Variants in MARCHF10 observed in about 807,000 individuals in gnomAD.
MARCHF10 encodes the protein membrane associated ring-CH-type finger 10.
Under a neutral mutation model 76.2 loss-of-function variants are expected in MARCHF10, and 64 were observed. The ratio of observed to expected loss-of-function variants is 0.84; its 90% CI spans 0.69 to 1.03. The LOEUF (loss-of-function observed/expected upper bound fraction) is 1.03. Ranked by LOEUF, MARCHF10 falls within the 50% of genes least tolerant of loss-of-function variation. MARCHF10 has a pLI of 0.00. For synonymous variants in MARCHF10, 340 were observed against 357.5 expected, an observed-to-expected ratio of 0.95 and a Z score of 0.55; for missense variants, 875 against 958.0, an observed-to-expected ratio of 0.91 and a Z score of 1.14.
chr17:62,736,952 G>T lies in MARCHF10; in HGVS notation c.916C>A (p.Arg306Ser). The change falls in exon 6 of 11, where the codon CGC becomes AGC. Residue 306 changes from arginine to serine, a missense_variant. Arg to Ser is a moderately radical substitution (Grantham distance 110, BLOSUM62 -1). Transcript: ENST00000311269. ...QSEECLWVGV[R>S]SPCSPSHHKR... Reference sequence around the variant, plus strand: ...TGATGGGAAGGAGAACAGGGTGAGCGCACACCAACCCACAGACATTCTTCA... The same window carrying T: ...TGATGGGAAGGAGAACAGGGTGAGCTCACACCAACCCACAGACATTCTTCA... 1 of 1,614,058 alleles carries T rather than the reference G, an allele frequency of 6.2e-7. No homozygotes were observed. The highest frequency in any genetic ancestry group is 8.5e-7 in the Non-Finnish European group (1 of 1,180,018).
chr17:62,773,009 A>AT (rs2092476159), intron 3 of MARCHF10, among the ~76,000 whole-genome samples: 1 of 152,160 alleles, frequency 6.6e-6, no homozygotes, highest in Admixed American at 6.5e-5. Context: ...CGTGTATCTC[A>AT]TTTTATGTTT....
intron 10 of MARCHF10, among the ~76,000 whole-genome samples, chr17:62,703,776 C>T (rs1439387355): frequency 6.6e-6 from 1 of 152,222 alleles, no homozygotes; most frequent in East Asian, 1.9e-4. Flanking sequence ...AGGTTCCCTG[C>T]CTCCCGTGGC....
chr17:62,708,236 G>A (rs2089706519), intron 9 of MARCHF10, among the ~76,000 whole-genome samples: 1 of 148,466 alleles, frequency 6.7e-6, no homozygotes, highest in Admixed American at 6.8e-5. Context: ...CCTGGAAAAA[G>A]TAGGTTCTTT....
At chr17:62,793,319 C>T (rs202184160) in intron 2 of MARCHF10, among the ~76,000 whole-genome samples, 1 of 145,410 alleles carries the variant, frequency 6.9e-6, no homozygotes, top group Non-Finnish European at 1.5e-5. Context: ...CCACCACCAC[C>T]TCCACCACCA....
At position 62,756,760 on chromosome 17, in the gene MARCHF10, T is replaced by C. The variant is rs991467383; in HGVS notation, c.382+3075A>G. Among the ~76,000 whole-genome samples, 9 of 152,292 alleles carry C rather than the reference T, an allele frequency of 5.9e-5. No homozygotes were observed. The East Asian group carries it at 1.7e-3, about 29-fold the overall frequency. Reference sequence around the variant, plus strand: ...CAGAAATGCTTTACTTGGCCAAAGGTAGACAGCAAATAAATGGGGCCCAGA... The same window carrying C: ...CAGAAATGCTTTACTTGGCCAAAGGCAGACAGCAAATAAATGGGGCCCAGA... On this transcript the variant is annotated intron_variant, in intron 4 of 10. Transcript: ENST00000311269.
In MARCHF10 at chr17:62,724,186, AT is replaced by A. The variant is rs11462196; in HGVS notation, c.2104+751del. On this transcript the variant is annotated intron_variant, in intron 7 of 10. Transcript: ENST00000311269. ...TGCTCTTTGCACTGATGTTCCATGC[AT>A]TTTTTTTTTTTTTTTGCTTAAAGTT... Among the ~76,000 whole-genome samples, 469 of 138,186 alleles carry A rather than the reference AT, an allele frequency of 3.4e-3. 2 individuals are homozygous for A. Among genetic ancestry groups the A allele is most frequent in the East Asian group, 4.9e-3 (23 of 4,688 alleles). 90.7% of individuals were successfully genotyped at this position (138,186 alleles called of 152,430 possible). A position where few individuals can be genotyped will look rare whatever the true frequency, so the allele number is the denominator to read the frequency against.
At chr17:62,731,645 G>A (rs2091028441) in intron 6 of MARCHF10, among the ~76,000 whole-genome samples, 1 of 152,200 alleles carries the variant, frequency 6.6e-6, no homozygotes, top group Non-Finnish European at 1.5e-5. Context: ...ACCCTCATAA[G>A]GGGTGGTGAG....
chr17:62,795,736 G>A (rs186767733), intron 2 of MARCHF10, among the ~76,000 whole-genome samples: 6 of 152,206 alleles, frequency 3.9e-5, no homozygotes, highest in Non-Finnish European at 5.9e-5. Context: ...GTGGAGTACA[G>A]GAAGGGACAC....
rs139232686 is a variant in MARCHF10 at position 62,801,686 on chromosome 17, T to C, written c.50A>G (p.Tyr17Cys). Reference protein sequence around the residue: ...DRQKFFSDVQYLRDMQHKVDS... With the variant: ...DRQKFFSDVQCLRDMQHKVDS... ...CACCTTATGCTGCATGTCCCGCAGA[T>C]ACTGAACATCGCTGAAGAACTTCTG... is the stretch of plus-strand genomic sequence containing the variant. Residue 17 changes from tyrosine to cysteine, a missense_variant, in exon 2 of 11, where the codon TAT becomes TGT. By Grantham distance (194) the Tyr-to-Cys change is radical. Transcript: ENST00000311269. The C allele has an allele frequency of 6.2e-7, 1 of 1,614,194 alleles. No individual in the cohort carries two copies. Among genetic ancestry groups the C allele is most frequent in the African/African-American group, 1.3e-5 (1 of 75,046 alleles).
intron 4 of MARCHF10, among the ~76,000 whole-genome samples, chr17:62,751,844 A>C (rs1012441333): frequency 6.6e-6 from 1 of 152,126 alleles, no homozygotes; most frequent in Non-Finnish European, 1.5e-5. Context: ...AACAGGGAGA[A>C]ACCCCATCTC....
chr17:62,719,542 T>C (rs1187226010), intron 8 of MARCHF10, among the ~76,000 whole-genome samples: 1 of 152,292 alleles, frequency 6.6e-6, no homozygotes, highest in East Asian at 1.9e-4. Flanking sequence ...TTTTTCCCCT[T>C]TGGCCTCTTA....
In MARCHF10 at chr17:62,736,268, T is replaced by C. The variant is rs1363735440; in HGVS notation, c.1600A>G (p.Asn534Asp). The change falls in exon 6 of 11, where the codon AAC becomes GAC. Residue 534 changes from asparagine (N) to aspartate (D), a missense_variant. Transcript: ENST00000311269. ...SAENHNYFPVNSAHEFAVREA... is the reference protein window; with the variant it reads ...SAENHNYFPVDSAHEFAVREA... ...CTGACAGCAAATTCGTGTGCACTGT[T>C]TACTGGGAAATAATTATGGTTTTCG... 1 of 1,614,154 alleles carries C rather than the reference T, an allele frequency of 6.2e-7. No homozygotes were observed. Among genetic ancestry groups the C allele is most frequent in the Non-Finnish European group, 8.5e-7 (1 of 1,180,018 alleles).
chr17:62,743,264 G>A lies in MARCHF10; in HGVS notation c.535+1112C>T, dbSNP rs943397959. 2.0e-5 allele frequency among the ~76,000 whole-genome samples: 3 copies of A among 152,262 alleles called. No individual in the cohort carries two copies. In the East Asian group the frequency reaches 5.8e-4, roughly 29 times the overall value. On this transcript the variant is annotated intron_variant, in intron 5 of 10. Transcript: ENST00000311269. ...GGGACCCTGTGGACATCTCCTTGCTGCAGACTCATATATGCAGATTCCAAG... is the reference window on the plus strand; with the variant it reads ...GGGACCCTGTGGACATCTCCTTGCTACAGACTCATATATGCAGATTCCAAG...
chr17:62,783,338 GAC>G (rs1468165592), intron 3 of MARCHF10, among the ~76,000 whole-genome samples: 1 of 150,224 alleles, frequency 6.7e-6, no homozygotes, highest in African/African-American at 2.5e-5. Context: ...TGAGAACAAA[GAC>G]ACACCGTACC....
intron 9 of MARCHF10, chr17:62,706,380 C>T (rs528997444): frequency 6.6e-6 from 1 of 152,310 alleles, no homozygotes; most frequent in East Asian, 1.9e-4. Context: ...CTCTGGGCTC[C>T]TGAGATAACC....
intron 4 of MARCHF10, among the ~76,000 whole-genome samples, chr17:62,746,295 T>C (rs748482509): frequency 8.5e-5 from 13 of 152,102 alleles, no homozygotes; most frequent in Non-Finnish European, 1.3e-4. Context: ...TCGGAGCAAC[T>C]TGGGGCAAGT....
intron 3 of MARCHF10, among the ~76,000 whole-genome samples, chr17:62,771,888 A>G (rs1039285179): frequency 9.2e-5 from 14 of 152,276 alleles, no homozygotes; most frequent in African/African-American, 2.9e-4. Context: ...GCTTGTCAAT[A>G]TCTCTCTACC....
At chr17:62,722,909 AG>A (rs905310623) in intron 7 of MARCHF10, among the ~76,000 whole-genome samples, 3 of 152,178 alleles carry the variant, frequency 2.0e-5, no homozygotes, top group African/African-American at 7.2e-5. Context: ...ACAGAGGCTA[AG>A]AGTCTGTAAC....
intron 4 of MARCHF10, among the ~76,000 whole-genome samples, chr17:62,749,209 G>GGA (rs397748690): frequency 5.5e-4 from 83 of 151,108 alleles, no homozygotes; most frequent in Non-Finnish European, 1.0e-3. Flanking sequence ...CCAGGAAAGG[G>GGA]AAAAAAAAGG....
Sources: allele counts gnomAD v4.1 joint callset (sites outside exome capture counted in the v4.1 genomes callset), GRCh38; gene constraint gnomAD v4.1.1; transcripts MANE v1.5; gene names NCBI Gene and HGNC (gene_info 2026-07-23, HGNC 2026-07-21).